PCGF5: variants seen among roughly 807,000 people sequenced by gnomAD.
PCGF5 encodes polycomb group RING finger protein 5.
A neutral mutation model predicts 44.3 loss-of-function variants in PCGF5; 9 were observed. The ratio of observed to expected loss-of-function variants is 0.20; its 90% confidence interval spans 0.12 to 0.35. The LOEUF (loss-of-function observed/expected upper bound fraction) is 0.35. Among genes scored for constraint, PCGF5 ranks in the 10% least tolerant of loss-of-function variants. The pLI, the probability that PCGF5 is intolerant of heterozygous loss-of-function variation, is 1.00. For missense variants in PCGF5, 146 were observed against 305.3 expected (o/e 0.48, Z 3.89); for synonymous variants, 95 against 102.5 (o/e 0.93, Z 0.44).
intron 2 of PCGF5, 86 bp downstream of exon 2, chr10:91,223,069 A>G (rs1294738636): frequency 1.2e-5 from 10 of 858,084 alleles, no homozygotes; most frequent in East Asian, 2.6e-5. Flanking sequence ...GTTTTTATCT[A>G]TGTTGTAACT....
upstream of PCGF5, among the ~76,000 whole-genome samples, chr10:91,161,079 G>C (rs1230241368): frequency 2.6e-5 from 4 of 152,216 alleles, no homozygotes; most frequent in Non-Finnish European, 5.9e-5. Context: ...CCCTACTTTG[G>C]AAGATGTCTG....
chr10:91,161,087 C>G (rs971527212), upstream of PCGF5, among the ~76,000 whole-genome samples: 1 of 152,216 alleles, frequency 6.6e-6, no homozygotes, highest in Non-Finnish European at 1.5e-5. Flanking sequence ...TGGAAGATGT[C>G]TGCCGCAGTA....
At chr10:91,199,325 C>A (rs1286992951) in intron 1 of PCGF5, among the ~76,000 whole-genome samples, 1 of 152,188 alleles carries the variant, frequency 6.6e-6, no homozygotes, top group Non-Finnish European at 1.5e-5. Context: ...GCAAGGGGGG[C>A]AGAAAAGGAG....
Position 91,281,234 on chromosome 10 carries a change from A to G in PCGF5, c.*2918A>G, listed in dbSNP as rs1389036847. 1 of 152,426 alleles carries G rather than the reference A, an allele frequency of 6.6e-6. No individual in the cohort carries two copies. Among genetic ancestry groups the G allele is most frequent in the Non-Finnish European group, 1.5e-5 (1 of 67,924 alleles). The allele number at this position is 152,426 out of a possible 1,614,324, so 9.4% of individuals were successfully genotyped here. The stretch of plus-strand genomic sequence containing the variant: ...AGTCTGGAGTACAGGTAACTTGGGT[A>G]ATGCCTTTTAACTACTCTTAGAGGA... On this transcript the variant is annotated 3_prime_UTR_variant, in exon 10 of 10. Transcript: ENST00000336126.
At position 91,237,710 on chromosome 10, in the gene PCGF5, C is replaced by T. The variant is rs945116962; in HGVS notation, c.113-2774C>T. Among the ~76,000 whole-genome samples, 6 of 151,932 alleles carry T rather than the reference C, an allele frequency of 3.9e-5. No individual in the cohort carries two copies. The East Asian group carries it at 1.2e-3, about 29-fold the overall frequency. On this transcript the variant is annotated intron_variant, in intron 2 of 9. Coordinates refer to ENST00000336126, the MANE Select transcript of PCGF5 (RefSeq NM_032373.5). ...AGTGAGCCGAGATCGCGCCACTGCA[C>T]TCTAGCCTAGGCGACAGAGTGAGAA...
intron 3 of PCGF5, among the ~76,000 whole-genome samples, chr10:91,247,195 A>C (rs1045948212): frequency 5.9e-5 from 9 of 152,092 alleles, no homozygotes; most frequent in Non-Finnish European, 1.3e-4. Context: ...ATTAAAAAAA[A>C]CAAAGGAAAT....
At chr10:91,179,003 T>G (rs982088258) in intron 1 of PCGF5, among the ~76,000 whole-genome samples, 1 of 152,258 alleles carries the variant, frequency 6.6e-6, no homozygotes, top group Non-Finnish European at 1.5e-5. Flanking sequence ...AGATTCTGAC[T>G]TACTTGACTT....
chr10:91,219,548 C>T (rs1483449333), upstream of PCGF5, among the ~76,000 whole-genome samples: 2 of 152,126 alleles, frequency 1.3e-5, no homozygotes, highest in Non-Finnish European at 2.9e-5. Context: ...AGTCATTTGA[C>T]CTCACTTGTT....
intron 1 of PCGF5, among the ~76,000 whole-genome samples, chr10:91,186,191 C>G (rs980509756): frequency 1.3e-5 from 2 of 152,170 alleles, no homozygotes; most frequent in African/African-American, 4.8e-5. Context: ...GCTAAATCAG[C>G]TGTACCCTCA....
At chr10:91,160,640 G>C (rs558685551), upstream of PCGF5, among the ~76,000 whole-genome samples, 27 of 152,202 alleles carry the variant, frequency 1.8e-4, no homozygotes, top group African/African-American at 5.8e-4. Flanking sequence ...GAGACTCTGG[G>C]GGGGAAAAGA....
upstream of PCGF5, among the ~76,000 whole-genome samples, chr10:91,158,047 T>C (rs1012599364): frequency 2.0e-5 from 3 of 152,208 alleles, no homozygotes; most frequent in Admixed American, 1.3e-4. Flanking sequence ...TTAAGACAAA[T>C]GGTGCCTTTT....
chr10:91,249,383 A>G (rs1258321758), intron 5 of PCGF5, among the ~76,000 whole-genome samples: 3 of 704 alleles, frequency 4.3e-3, no homozygotes, highest in African/African-American at 0.014. Context: ...ATATATATAT[A>G]TATATATATA....
chr10:91,162,179 G>A (rs1843397641), upstream of PCGF5, among the ~76,000 whole-genome samples: 1 of 151,718 alleles, frequency 6.6e-6, no homozygotes, highest in African/African-American at 2.4e-5. Flanking sequence ...GGAAGTGGAG[G>A]GGAGACTGAA....
At chr10:91,239,287 A>G (rs968188647) in intron 2 of PCGF5, among the ~76,000 whole-genome samples, 1 of 152,208 alleles carries the variant, frequency 6.6e-6, no homozygotes, top group Non-Finnish European at 1.5e-5. Context: ...GTAAATTCCT[A>G]TTGAATCAAT....
chr10:91,261,109 CATG>C (rs1447227493), intron 6 of PCGF5, among the ~76,000 whole-genome samples: 7 of 151,904 alleles, frequency 4.6e-5, no homozygotes, highest in Non-Finnish European at 1.0e-4. Context: ...TCCTAGTACA[CATG>C]ATAATATATT....
intron 1 of PCGF5, among the ~76,000 whole-genome samples, chr10:91,210,042 A>G (rs1283560692): frequency 2.0e-5 from 3 of 152,236 alleles, no homozygotes; most frequent in African/African-American, 7.2e-5. Context: ...TGGATAGCAG[A>G]TCATAGCATT....
chr10:91,238,615 T>TCC (rs1564645048), intron 2 of PCGF5, among the ~76,000 whole-genome samples: 16 of 135,614 alleles, frequency 1.2e-4, no homozygotes, highest in African/African-American at 3.6e-4. Flanking sequence ...TTTTTTTTTT[T>TCC]TTTTTTTTTT....
intron 6 of PCGF5, 138 bp from the exon 7 acceptor site, chr10:91,261,188 A>G (rs1845900309): frequency 1.8e-6 from 2 of 1,109,754 alleles, no homozygotes; most frequent in Non-Finnish European, 2.4e-6. Context: ...CTAAAAAGCT[A>G]TAAATTGAAA....
intron 8 of PCGF5, among the ~76,000 whole-genome samples, chr10:91,265,215 G>C (rs1846021544): frequency 6.6e-6 from 1 of 152,038 alleles, no homozygotes; most frequent in African/African-American, 2.4e-5. Context: ...AGTAACTTAG[G>C]TTCTACTAAG....
Sources: allele counts gnomAD v4.1 joint callset (sites outside exome capture counted in the v4.1 genomes callset), GRCh38; gene constraint gnomAD v4.1.1; transcripts MANE v1.5; gene names NCBI Gene and HGNC (gene_info 2026-07-23, HGNC 2026-07-21).